Variants in SCAF8 observed in about 807,000 individuals in gnomAD.
SCAF8 encodes the protein SR-related and CTD-associated factor 8.
In SCAF8, 23 loss-of-function variants were observed where a neutral mutation model predicts 140.5. The ratio of observed to expected loss-of-function variants is 0.16; its 90% CI spans 0.12 to 0.23. SCAF8 has a LOEUF of 0.23. SCAF8 is among the 10% of genes least tolerant of loss of function. The pLI is 1.00. For synonymous variants in SCAF8, 575 were observed against 528.9 expected (o/e 1.09, Z -1.20); for missense variants, 1,397 against 1,555.7 (o/e 0.90, Z 1.72).
intron 4 of SCAF8, among the ~76,000 whole-genome samples, chr6:154,791,045 G>A (rs550114804): frequency 6.0e-4 from 91 of 152,198 alleles, no homozygotes; most frequent in African/African-American, 2.0e-3. Flanking sequence ...GTGTTCTCTG[G>A]GTGAAATGTT....
intron 3 of SCAF8, among the ~76,000 whole-genome samples, chr6:154,783,046 T>G (rs1193221235): frequency 3.3e-5 from 5 of 152,166 alleles, no homozygotes; most frequent in Non-Finnish European, 1.5e-5. Flanking sequence ...TAACTTACCT[T>G]AGTTATCCTG....
At position 154,831,012 on chromosome 6, in the gene SCAF8, G is replaced by A; in HGVS notation, c.2231G>A (p.Ser744Asn). ...SLVIPGGSVA[S>N]NLATSALPAG... ...GTTATACCAGGCGGTTCTGTTGCCA[G>A]CAATCTTGCTACTTCCGCTCTGCCA... Residue 744 changes from serine to asparagine, a missense_variant, in exon 19 of 20, where the codon AGC becomes AAC. Coordinates refer to ENST00000367178, the MANE Select transcript of SCAF8 (RefSeq NM_014892.5). 1.9e-6 allele frequency: 3 copies of A among 1,614,022 alleles called. No individual in the cohort carries two copies. Among genetic ancestry groups the A allele is most frequent in the Non-Finnish European group, 1.7e-6 (2 of 1,179,942 alleles).
At chr6:154,825,594 T>C (rs1293074689) in intron 17 of SCAF8, among the ~76,000 whole-genome samples, 1 of 132,130 alleles carries the variant, frequency 7.6e-6, no homozygotes, top group Non-Finnish European at 1.5e-5. Flanking sequence ...AGGTGGAGGC[T>C]ACAGTGAACT....
At chr6:154,781,815 A>G (rs922639168) in intron 3 of SCAF8, among the ~76,000 whole-genome samples, 11 of 152,204 alleles carry the variant, frequency 7.2e-5, no homozygotes, top group African/African-American at 2.7e-4. Flanking sequence ...TAGTGAGTAC[A>G]TGTTTCCATT....
Position 154,747,716 on chromosome 6 carries a change from AC to A in SCAF8, c.30+13787del, listed in dbSNP as rs1259280976. Among the ~76,000 whole-genome samples, 3 of 152,160 alleles carry A rather than the reference AC, an allele frequency of 2.0e-5. No homozygotes were observed. In the South Asian group the frequency reaches 6.2e-4, roughly 32 times the overall value. On this transcript the variant is annotated intron_variant, in intron 1 of 19. Coordinates refer to ENST00000367178, the MANE Select transcript of SCAF8 (RefSeq NM_014892.5). ...TAAAGGCCTTATAGTGCTTATTTTA[AC>A]ATCAAAAACAGAGCAAAACAACTTG...
intron 1 of SCAF8, among the ~76,000 whole-genome samples, chr6:154,751,219 T>C (rs141729269): frequency 7.9e-5 from 12 of 152,142 alleles, no homozygotes; most frequent in African/African-American, 2.6e-4. Flanking sequence ...AAACCTGATA[T>C]CTAAAAACCA....
intron 3 of SCAF8, among the ~76,000 whole-genome samples, chr6:154,784,120 G>GATATATATGTGTATATAT (rs1554260630): frequency 9.4e-5 from 10 of 106,826 alleles, no homozygotes; most frequent in African/African-American, 2.9e-4. Flanking sequence ...GGTGTCTTGA[G>GATATATATGTGTATATAT]ATATATATAT....
At chr6:154,795,956 G>C (rs1020350294) in intron 6 of SCAF8, among the ~76,000 whole-genome samples, 6 of 151,974 alleles carry the variant, frequency 3.9e-5, no homozygotes, top group African/African-American at 1.5e-4. Flanking sequence ...TGAATAGTTT[G>C]GCTTTTTATA....
At chr6:154,755,305 A>G (rs1409003507) in intron 1 of SCAF8, among the ~76,000 whole-genome samples, 2 of 152,230 alleles carry the variant, frequency 1.3e-5, no homozygotes, top group East Asian at 1.9e-4. Context: ...CCACACTGGC[A>G]TGCAGTGGTG....
At position 154,822,306 on chromosome 6, in the gene SCAF8, T is replaced by G. The variant is rs769006180; in HGVS notation, c.1823T>G (p.Val608Gly). Residue 608 changes from valine to glycine, a missense_variant, in exon 16 of 20, where the codon GTT becomes GGT. Transcript: ENST00000367178. ...EWETVKSSEP[V>G]KETVQTTQSP... ...GAAACTGTGAAAAGCTCAGAACCTGTTAAAGAGACGGTCCAGACAACTCAG... is the reference window on the plus strand; with the variant it reads ...GAAACTGTGAAAAGCTCAGAACCTGGTAAAGAGACGGTCCAGACAACTCAG... 6.2e-7 allele frequency: 1 copy of G among 1,613,206 alleles called. No homozygotes were observed. Among genetic ancestry groups the G allele is most frequent in the South Asian group, 1.1e-5 (1 of 90,950 alleles).
At position 154,822,512 on chromosome 6, in the gene SCAF8, A is replaced by G. The variant is rs927093382; in HGVS notation, c.1926+103A>G. 35 of 1,210,232 alleles carry G rather than the reference A, an allele frequency of 2.9e-5. No homozygotes were observed. The African/African-American group carries it at 4.0e-4, about 14-fold the overall frequency. The allele number at this position is 1,210,232 out of a possible 1,614,324, so 75.0% of individuals were successfully genotyped here. ...ACCGGAATGAAAATCTCCATATTAG[A>G]ATAAATGTTTGTCAGTAGTGTTAGG... On this transcript the variant is annotated intron_variant, in intron 16 of 19. Transcript: ENST00000367178.
chr6:154,794,372 C>T lies in SCAF8; in HGVS notation c.476-637C>T, dbSNP rs571410409. Among the ~76,000 whole-genome samples, 13 of 152,164 alleles carry T rather than the reference C, an allele frequency of 8.5e-5. 1 individual carries two copies. The highest frequency in any genetic ancestry group is 2.6e-4 in the African/African-American group (11 of 41,538). On this transcript the variant is annotated intron_variant, in intron 5 of 19. Transcript: ENST00000367178. ...TTAAGTATTGTAGGCTTTAGAAGTACAGTAGTCTCCCCACATCCACAGTTT... is the reference window on the plus strand; with the variant it reads ...TTAAGTATTGTAGGCTTTAGAAGTATAGTAGTCTCCCCACATCCACAGTTT...
intron 4 of SCAF8, among the ~76,000 whole-genome samples, chr6:154,789,366 C>T (rs1197096876): frequency 1.3e-5 from 2 of 152,040 alleles, no homozygotes; most frequent in Non-Finnish European, 2.9e-5. Flanking sequence ...CCACCATGGC[C>T]TCCCAAAATG....
intron 1 of SCAF8, among the ~76,000 whole-genome samples, chr6:154,767,816 G>A (rs1254458197): frequency 1.3e-5 from 2 of 152,096 alleles, no homozygotes; most frequent in Non-Finnish European, 2.9e-5. Flanking sequence ...TGGGATTATA[G>A]GCATGAGCCA....
chr6:154,792,990 A>G lies in SCAF8; in HGVS notation c.475+14A>G. The G allele has an allele frequency of 6.3e-7, 1 of 1,586,540 alleles. No homozygotes were observed. ...GCAATACTCCAGGTATGTTGCTTTA[A>G]TATAGATTTGTTGTCTAAATATTCT... On this transcript the variant is annotated intron_variant, in intron 5 of 19. Transcript: ENST00000367178.
chr6:154,795,094 A>C lies in SCAF8; in HGVS notation c.561A>C (p.Thr187=). Residue 187 remains threonine, a synonymous_variant, in exon 6 of 20, where the codon ACA becomes ACC. Transcript: ENST00000367178. ...PWVSQITNTD[T]LAAVAQILQS... ...TATCTCAGATAACAAATACAGATAC[A>C]CTTGCGGCTGTAGCTCAGATCTTGC... 6.2e-7 allele frequency: 1 copy of C among 1,613,644 alleles called. No homozygotes were observed. The highest frequency in any genetic ancestry group is 8.5e-7 in the Non-Finnish European group (1 of 1,179,824).
intron 10 of SCAF8, 55 bp downstream of exon 10, chr6:154,808,256 A>G (rs1040124051): frequency 3.1e-5 from 48 of 1,531,972 alleles, no homozygotes; most frequent in Non-Finnish European, 4.1e-5. Context: ...TAAAGAAATC[A>G]TAAAATATTT....
intron 16 of SCAF8, among the ~76,000 whole-genome samples, chr6:154,822,683 TGAG>T (rs1349572461): frequency 6.6e-6 from 1 of 152,224 alleles, no homozygotes; most frequent in Non-Finnish European, 1.5e-5. Context: ...CATGTTTTTC[TGAG>T]GAGTCAAATT....
At chr6:154,770,661 A>G (rs930072925) in intron 1 of SCAF8, among the ~76,000 whole-genome samples, 1 of 152,116 alleles carries the variant, frequency 6.6e-6, no homozygotes, top group African/African-American at 2.4e-5. Flanking sequence ...GGGTGCCTTT[A>G]TGAGAACTTA....
Sources: gnomAD v4.1 joint callset for allele counts (sites outside exome capture counted in the v4.1 genomes callset) on GRCh38, gnomAD v4.1.1 for gene constraint, MANE v1.5 for transcripts, NCBI Gene and HGNC (gene_info 2026-07-23, HGNC 2026-07-21) for gene names.